The following PIP5K1B variants were observed in gnomAD, a reference collection of about 807,000 sequenced individuals.
PIP5K1B encodes the protein phosphatidylinositol-4-phosphate 5-kinase type 1 beta.
PIP5K1B carries 42 observed loss-of-function variants against 67.0 expected under a neutral mutation model. The ratio of observed to expected loss-of-function variants is 0.63; its 90% CI spans 0.49 to 0.81. The LOEUF (loss-of-function observed/expected upper bound fraction) is 0.81. PIP5K1B is among the 30% of genes least tolerant of loss of function. The pLI, the probability that PIP5K1B is intolerant of heterozygous loss-of-function variation, is 0.00. For missense variants in PIP5K1B, 459 were observed against 646.3 expected, an observed-to-expected ratio of 0.71 and a Z score of 3.14; for synonymous variants, 214 against 231.4, an observed-to-expected ratio of 0.92 and a Z score of 0.68.
chr9:68,902,612 C>T (rs1825419555), intron 8 of PIP5K1B, among the ~76,000 whole-genome samples: 1 of 152,164 alleles, frequency 6.6e-6, no homozygotes, highest in Non-Finnish European at 1.5e-5. Flanking sequence ...GTTTTCATTT[C>T]TCTGAGATAA....
At chr9:68,715,454 G>A (rs10123673) in intron 1 of PIP5K1B, among the ~76,000 whole-genome samples, 16,785 of 152,190 alleles carry the variant, frequency 0.11, 1,004 homozygotes, top group Non-Finnish European at 0.13. Context: ...CAGCACTCTC[G>A]TTGCCCCCTT....
chr9:68,869,094 C>T (rs1283145918), intron 5 of PIP5K1B, among the ~76,000 whole-genome samples: 1 of 152,188 alleles, frequency 6.6e-6, no homozygotes, highest in South Asian at 2.1e-4. Context: ...CATTTCTAGG[C>T]ATAATGACAT....
At chr9:68,765,699 C>T (rs115513657) in intron 2 of PIP5K1B, among the ~76,000 whole-genome samples, 1,834 of 152,138 alleles carry the variant, frequency 0.012, 39 homozygotes, top group African/African-American at 0.042. Context: ...ATTAAAATAT[C>T]CAATTTGTTA....
chr9:68,795,265 G>A (rs973766198), intron 2 of PIP5K1B, among the ~76,000 whole-genome samples: 1 of 152,068 alleles, frequency 6.6e-6, no homozygotes, highest in Non-Finnish European at 1.5e-5. Flanking sequence ...CAAGCTTTCT[G>A]ATTTTAGGCA....
At chr9:68,949,310 T>G (rs1423975177) in intron 14 of PIP5K1B, among the ~76,000 whole-genome samples, 3 of 152,240 alleles carry the variant, frequency 2.0e-5, no homozygotes, top group Non-Finnish European at 4.4e-5. Flanking sequence ...AGCTCCTACA[T>G]CAGGGTACCT....
At chr9:68,797,528 T>A (rs1377251444) in intron 2 of PIP5K1B, among the ~76,000 whole-genome samples, 1 of 152,238 alleles carries the variant, frequency 6.6e-6, no homozygotes, top group African/African-American at 2.4e-5. Context: ...CTCAGTTTTT[T>A]AAAATCTTCA....
intron 4 of PIP5K1B, among the ~76,000 whole-genome samples, chr9:68,830,218 T>A (rs1260511619): frequency 2.6e-5 from 4 of 152,148 alleles, no homozygotes. Context: ...GAACATTTTT[T>A]AAATAATTCC....
At chr9:68,860,996 T>A (rs552410752) in intron 4 of PIP5K1B, among the ~76,000 whole-genome samples, 4 of 152,342 alleles carry the variant, frequency 2.6e-5, no homozygotes, top group South Asian at 2.1e-4. Context: ...GAACAGTGCC[T>A]GCCATTTAGT....
chr9:68,858,163 G>A (rs1252555432), intron 4 of PIP5K1B, among the ~76,000 whole-genome samples: 21 of 152,008 alleles, frequency 1.4e-4, no homozygotes, highest in Non-Finnish European at 1.8e-4. Context: ...TAGTAGAGAC[G>A]CGGTTTCACC....
At chr9:68,789,607 T>C in intron 2 of PIP5K1B, 1 of 386,720 alleles carries the variant, frequency 2.6e-6, no homozygotes. Flanking sequence ...TGTACCACAC[T>C]TCTCCAGTGT....
At chr9:69,007,605 C>T (rs1038188139) in intron 15 of PIP5K1B, among the ~76,000 whole-genome samples, 12 of 152,146 alleles carry the variant, frequency 7.9e-5, no homozygotes, top group Non-Finnish European at 1.5e-4. Flanking sequence ...CGCCTGTAAT[C>T]CCAGCACTTT....
intron 8 of PIP5K1B, 35 bp from the exon 9 acceptor site, chr9:68,917,513 G>T: frequency 1.3e-6 from 2 of 1,517,370 alleles, no homozygotes; most frequent in South Asian, 1.1e-5. Context: ...CAGGCCTTTG[G>T]GTTGACTGGC....
chr9:68,990,286 T>C (rs879927495), intron 14 of PIP5K1B, among the ~76,000 whole-genome samples: 6 of 152,160 alleles, frequency 3.9e-5, no homozygotes, highest in Admixed American at 1.3e-4. Context: ...TATGCCAGAC[T>C]CTGGCTCAGA....
chr9:68,875,220 G>C (rs1381309355), intron 5 of PIP5K1B, among the ~76,000 whole-genome samples: 2 of 126,126 alleles, frequency 1.6e-5, no homozygotes, highest in Non-Finnish European at 3.1e-5. Flanking sequence ...TGTAATCCTA[G>C]CCTTTCAAGA....
At chr9:68,918,096 T>TTTA (rs1491426127) in intron 9 of PIP5K1B, among the ~76,000 whole-genome samples, 2 of 96,278 alleles carry the variant, frequency 2.1e-5, no homozygotes, top group Non-Finnish European at 4.6e-5. Context: ...TATTTATTTA[T>TTTA]TTTTTTTTTT....
intron 14 of PIP5K1B, among the ~76,000 whole-genome samples, chr9:68,962,620 T>G (rs555094185): frequency 6.6e-6 from 1 of 152,346 alleles, no homozygotes; most frequent in East Asian, 1.9e-4. Flanking sequence ...TCAGTCCATC[T>G]AGACTGAATT....
chr9:69,007,193 A>G (rs1335871033), intron 15 of PIP5K1B, among the ~76,000 whole-genome samples: 2 of 152,204 alleles, frequency 1.3e-5, no homozygotes, highest in Non-Finnish European at 2.9e-5. Flanking sequence ...GTCTCAGATA[A>G]AATATTAATT....
Position 68,740,579 on chromosome 9 carries a change from G to A in PIP5K1B, c.-242-1922G>A, listed in dbSNP as rs543832087. 2.4e-4 allele frequency among the ~76,000 whole-genome samples: 36 copies of A among 152,262 alleles called. 1 individual carries two copies. In the East Asian group the frequency reaches 6.0e-3, roughly 25 times the overall value. On this transcript the variant is annotated intron_variant, in intron 1 of 15. Coordinates refer to ENST00000265382, the MANE Select transcript of PIP5K1B (RefSeq NM_003558.4). Reference sequence around the variant, plus strand: ...CTGATAGTGGTCTTCTATGCAATGCGGGAGTTCAAACTTCATAACTAGCAC... The same window carrying A: ...CTGATAGTGGTCTTCTATGCAATGCAGGAGTTCAAACTTCATAACTAGCAC...
chr9:68,945,761 A>C (rs1301784636), intron 14 of PIP5K1B, among the ~76,000 whole-genome samples: 1 of 152,252 alleles, frequency 6.6e-6, no homozygotes, highest in Non-Finnish European at 1.5e-5. Flanking sequence ...CACATGGCTA[A>C]AAAGTGGAGG....
Sources: allele counts gnomAD v4.1 joint callset (sites outside exome capture counted in the v4.1 genomes callset), GRCh38; gene constraint gnomAD v4.1.1; transcripts MANE v1.5; gene names NCBI Gene and HGNC (gene_info 2026-07-23, HGNC 2026-07-21).